Variants in HDAC9 observed in about 807,000 individuals in gnomAD.
The protein encoded by HDAC9 is histone deacetylase 9.
Under a neutral mutation model 139.4 loss-of-function variants are expected in HDAC9, and 41 were observed. That is an observed-to-expected ratio of 0.29 (90% CI 0.23 to 0.38). The LOEUF (loss-of-function observed/expected upper bound fraction) is 0.38, where lower values mean the gene tolerates loss of function less well. Among genes scored for constraint, HDAC9 ranks in the 10% least tolerant of loss-of-function variants. The pLI is 1.00. For synonymous variants in HDAC9, 517 were observed against 476.2 expected, an observed-to-expected ratio of 1.09 and a Z score of -1.12; for missense variants, 1,147 against 1,297.0, an observed-to-expected ratio of 0.88 and a Z score of 1.78.
At chr7:18,158,787 A>G (rs377489905) in intron 1 of HDAC9, among the ~76,000 whole-genome samples, 28 of 152,352 alleles carry the variant, frequency 1.8e-4, no homozygotes, top group African/African-American at 5.3e-4. Flanking sequence ...ACCACTACGT[A>G]TGATGTTAAG....
intron 16 of HDAC9, among the ~76,000 whole-genome samples, chr7:18,771,732 A>G (rs1236065494): frequency 6.6e-6 from 1 of 152,080 alleles, no homozygotes; most frequent in Non-Finnish European, 1.5e-5. Context: ...AAGCCCTACA[A>G]AGAGCTGCTC....
chr7:18,250,084 A>G (rs1358720887), intron 2 of HDAC9, among the ~76,000 whole-genome samples: 8 of 152,228 alleles, frequency 5.3e-5, no homozygotes, highest in South Asian at 4.1e-4. Context: ...GTGGTGGACT[A>G]TTGAAATAGG....
chr7:18,613,349 G>A (rs1287209292), intron 6 of HDAC9, among the ~76,000 whole-genome samples: 2 of 151,806 alleles, frequency 1.3e-5, no homozygotes, highest in Admixed American at 6.6e-5. Context: ...AAAAGGAGGC[G>A]AGCAAATTTT....
chr7:18,142,915 A>G (rs1227773749), intron 1 of HDAC9, among the ~76,000 whole-genome samples: 1 of 152,184 alleles, frequency 6.6e-6, no homozygotes, highest in Non-Finnish European at 1.5e-5. Context: ...CTCCTTCCTT[A>G]TAACCTTCCG....
At chr7:18,162,050 G>A (rs1013346637) in intron 1 of HDAC9, among the ~76,000 whole-genome samples, 2 of 152,116 alleles carry the variant, frequency 1.3e-5, no homozygotes, top group South Asian at 2.1e-4. Flanking sequence ...AAGGGAGACT[G>A]CTAAATTTGC....
intron 22 of HDAC9, among the ~76,000 whole-genome samples, chr7:18,933,230 G>T (rs1204671960): frequency 6.6e-6 from 1 of 152,136 alleles, no homozygotes; most frequent in Non-Finnish European, 1.5e-5. Context: ...TCTGGTCAGG[G>T]CCTTCTGGAA....
intron 21 of HDAC9, among the ~76,000 whole-genome samples, chr7:18,847,456 C>T (rs529222478): frequency 6.6e-6 from 1 of 152,152 alleles, no homozygotes; most frequent in South Asian, 2.1e-4. Context: ...AATCATCACA[C>T]CAGAAGGTCT....
At chr7:18,565,229 C>G (rs1390138669) in intron 2 of HDAC9, among the ~76,000 whole-genome samples, 1 of 152,140 alleles carries the variant, frequency 6.6e-6, no homozygotes, top group African/African-American at 2.4e-5. Flanking sequence ...CTGCCAACCT[C>G]AGGTGGTCCG....
chr7:18,964,362 A>AT (rs914401385), intron 24 of HDAC9, among the ~76,000 whole-genome samples: 6 of 151,630 alleles, frequency 4.0e-5, no homozygotes, highest in South Asian at 2.1e-4. Flanking sequence ...TTAAGATCAG[A>AT]TTTTTTTTTA....
intron 1 of HDAC9, among the ~76,000 whole-genome samples, chr7:18,092,806 A>C (rs547888505): frequency 6.6e-6 from 1 of 152,314 alleles, no homozygotes; most frequent in East Asian, 1.9e-4. Context: ...AATAATGGTA[A>C]TGAGGGTCCA....
Position 18,307,251 on chromosome 7 carries a change from C to T in HDAC9, c.-42+16736C>T, listed in dbSNP as rs1395610263. 2.6e-5 allele frequency among the ~76,000 whole-genome samples: 4 copies of T among 151,878 alleles called. No homozygotes were observed. The East Asian group carries it at 7.8e-4, about 29-fold the overall frequency. The stretch of plus-strand genomic sequence containing the variant: ...GAGTCCGTGGGCAAGTAATTGACAC[C>T]TCAACAACCATGAACATTTATACCT... On this transcript the variant is annotated intron_variant, in intron 1 of 3. Transcript: ENST00000413509.
intron 1 of HDAC9, among the ~76,000 whole-genome samples, chr7:18,334,038 A>C (rs1047375672): frequency 6.6e-6 from 1 of 151,448 alleles, no homozygotes; most frequent in Non-Finnish European, 1.5e-5. Flanking sequence ...GATTTTGAAA[A>C]GGGAAAAACT....
At chr7:18,637,000 T>C (rs1784103309) in intron 8 of HDAC9, among the ~76,000 whole-genome samples, 2 of 152,060 alleles carry the variant, frequency 1.3e-5, no homozygotes, top group South Asian at 2.1e-4. Flanking sequence ...TTTGTGCCAT[T>C]GAAAAATGAA....
chr7:18,312,423 CTTATT>C (rs1219878539), intron 1 of HDAC9, among the ~76,000 whole-genome samples: 1 of 152,060 alleles, frequency 6.6e-6, no homozygotes, highest in African/African-American at 2.4e-5. Flanking sequence ...ATTTATTCCT[CTTATT>C]TTATGTTTCA....
chr7:18,313,303 T>C (rs1799434871), intron 1 of HDAC9, among the ~76,000 whole-genome samples: 1 of 152,194 alleles, frequency 6.6e-6, no homozygotes, highest in African/African-American at 2.4e-5. Flanking sequence ...TTCTGCATTT[T>C]TCTGATTCAA....
chr7:18,512,445 A>G (rs1443339802), intron 2 of HDAC9, among the ~76,000 whole-genome samples: 2 of 152,206 alleles, frequency 1.3e-5, no homozygotes, highest in African/African-American at 4.8e-5. Flanking sequence ...TTATGGAAAA[A>G]TTAATAACAT....
intron 21 of HDAC9, among the ~76,000 whole-genome samples, chr7:18,844,799 T>C (rs1156507390): frequency 2.0e-5 from 3 of 152,200 alleles, no homozygotes; most frequent in African/African-American, 7.2e-5. Flanking sequence ...TCTGTACTTT[T>C]AGTTTCAGAA....
intron 1 of HDAC9, among the ~76,000 whole-genome samples, chr7:18,409,229 A>G (rs1788314503): frequency 6.6e-6 from 1 of 152,158 alleles, no homozygotes; most frequent in Non-Finnish European, 1.5e-5. Flanking sequence ...AGTTTCTGGT[A>G]CCCTGGCGAT....
chr7:18,765,003 C>T (rs567328400), intron 15 of HDAC9, among the ~76,000 whole-genome samples: 1 of 152,096 alleles, frequency 6.6e-6, no homozygotes, highest in Non-Finnish European at 1.5e-5. Context: ...AGAAGACATT[C>T]TCTCCAATTA....
Sources: gnomAD v4.1 joint callset for allele counts (sites outside exome capture counted in the v4.1 genomes callset) on GRCh38, gnomAD v4.1.1 for gene constraint, MANE v1.5 for transcripts, NCBI Gene and HGNC (gene_info 2026-07-23, HGNC 2026-07-21) for gene names.